The following AFF3 variants were observed in gnomAD, a reference collection of about 807,000 sequenced individuals.
AFF3 encodes ALF transcription elongation factor 3, also known as AF4/FMR2 family member 3.
In AFF3, 32 loss-of-function variants were observed where a neutral mutation model predicts 129.7. The observed-to-expected ratio is 0.25, with a 90% CI of 0.19 to 0.33. The LOEUF is 0.33. Among genes scored for constraint, AFF3 ranks in the 10% least tolerant of loss-of-function variants. The probability of loss-of-function intolerance (pLI) is 1.00; values close to 1 mark genes in which losing one functional copy is unlikely to be tolerated. For missense variants in AFF3, 1,373 were observed against 1,592.0 expected (o/e 0.86, Z 2.34); for synonymous variants, 644 against 635.4 (o/e 1.01, Z -0.20).
intron 13 of AFF3, among the ~76,000 whole-genome samples, chr2:99,616,698 G>C (rs1456863800): frequency 6.6e-6 from 1 of 152,142 alleles, no homozygotes; most frequent in Non-Finnish European, 1.5e-5. Context: ...GGAGGTTGCA[G>C]TGAGCCGAGA....
In AFF3 at chr2:100,106,509, G is replaced by T. The variant is rs188276139; in HGVS notation, c.-144-926C>A. On this transcript the variant is annotated intron_variant, in intron 2 of 24. Transcript: ENST00000672756. ...CGCCTTGTTGGAAATGTTTGCTTTG[G>T]CGAAAGTGAGATCGAGACATTGAGA... 2.5e-5 allele frequency: 25 copies of T among 1,002,216 alleles called. No individual in the cohort carries two copies. In the Admixed American group the frequency reaches 4.3e-4, roughly 17 times the overall value. The allele number at this position is 1,002,216 out of a possible 1,614,324, so 62.1% of individuals were successfully genotyped here.
Position 99,689,386 on chromosome 2 carries a change from C to T in AFF3, c.1092-16797G>A, listed in dbSNP as rs150693237. 1.2e-3 allele frequency among the ~76,000 whole-genome samples: 181 copies of T among 152,248 alleles called. 2 individuals are homozygous for T. The East Asian group carries it at 0.027, about 23-fold the overall frequency. The stretch of plus-strand genomic sequence containing the variant: ...TGAGTCTCGGCCTGGGCTGCCCTTC[C>T]TGCCTGATGCCCTTCTCCCTGTTCT... On this transcript the variant is annotated intron_variant, in intron 11 of 24. Coordinates refer to ENST00000672756, the MANE Select transcript of AFF3 (RefSeq NM_001386135.1).
Position 100,106,689 on chromosome 2 carries a change from A to ACCTCC in AFF3, c.-144-1111_-144-1107dup, listed in dbSNP as rs1009323154. ...GCTGGGAAGCTTCTTCAGAAAGGAG[A>ACCTCC]CCTCCCGGCCCTCACCGGGATCTGG... On this transcript the variant is annotated intron_variant, in intron 2 of 24. Transcript: ENST00000672756. 16 of 985,296 alleles carry ACCTCC rather than the reference A, an allele frequency of 1.6e-5. No homozygotes were observed. The Admixed American group carries it at 9.8e-4, about 61-fold the overall frequency. The allele number at this position is 985,296 out of a possible 1,614,324, so 61.0% of individuals were successfully genotyped here. A position where few individuals can be genotyped will look rare whatever the true frequency, so the allele number is the denominator to read the frequency against.
chr2:99,956,214 A>G (rs1376444132), intron 7 of AFF3, among the ~76,000 whole-genome samples: 1 of 152,010 alleles, frequency 6.6e-6, no homozygotes, highest in Admixed American at 6.6e-5. Flanking sequence ...TTACAGGGAC[A>G]TTAAATTAAG....
intron 10 of AFF3, among the ~76,000 whole-genome samples, chr2:99,729,550 G>A (rs1180363291): frequency 6.6e-6 from 1 of 152,084 alleles, no homozygotes; most frequent in African/African-American, 2.4e-5. Flanking sequence ...TTGTCCTTCA[G>A]AAAGAATAAA....
At chr2:99,901,849 C>A (rs1477945233) in intron 7 of AFF3, among the ~76,000 whole-genome samples, 1 of 48,536 alleles carries the variant, frequency 2.1e-5, no homozygotes, top group African/African-American at 1.6e-4. Flanking sequence ...GATAGCTGTG[C>A]CCCCCAGAGC....
chr2:99,707,246 G>C, intron 11 of AFF3: 1 of 985,280 alleles, frequency 1.0e-6, no homozygotes, highest in Non-Finnish European at 1.2e-6. Context: ...TCATATCTGT[G>C]ACATGTCCAA....
At chr2:99,568,179 A>C (rs1379697965) in intron 19 of AFF3, among the ~76,000 whole-genome samples, 2 of 152,202 alleles carry the variant, frequency 1.3e-5, no homozygotes, top group Admixed American at 6.5e-5. Flanking sequence ...AGTTATGAAC[A>C]CTGGAGGAGA....
chr2:99,869,464 T>C (rs1046228520), intron 7 of AFF3, among the ~76,000 whole-genome samples: 2 of 152,182 alleles, frequency 1.3e-5, no homozygotes, highest in Non-Finnish European at 2.9e-5. Flanking sequence ...CTAAGATGAT[T>C]TGATAGGCTC....
chr2:99,953,871 G>A (rs1187069059), intron 7 of AFF3, among the ~76,000 whole-genome samples: 2 of 152,182 alleles, frequency 1.3e-5, no homozygotes, highest in Admixed American at 1.3e-4. Context: ...CCTCCACATC[G>A]CCAGGCTTCT....
At chr2:99,838,042 C>T (rs903249557) in intron 7 of AFF3, among the ~76,000 whole-genome samples, 2 of 152,188 alleles carry the variant, frequency 1.3e-5, no homozygotes, top group Non-Finnish European at 2.9e-5. Flanking sequence ...AAAAGAGAAA[C>T]ATCCTCTGGA....
rs1028103615 is a variant in AFF3 at position 99,701,741 on chromosome 2, C to A, written c.1091+25336G>T. ...TAATTTTATCACACGTGTAGCTACACGTAACAGTCTACCACAATCAAAGTA... is the reference window on the plus strand; with the variant it reads ...TAATTTTATCACACGTGTAGCTACAAGTAACAGTCTACCACAATCAAAGTA... On this transcript the variant is annotated intron_variant, in intron 11 of 24. Coordinates refer to ENST00000672756, the MANE Select transcript of AFF3 (RefSeq NM_001386135.1). Among the ~76,000 whole-genome samples the A allele has an allele frequency of 2.0e-5, 3 of 152,190 alleles. No individual in the cohort carries two copies. In the East Asian group the frequency reaches 5.8e-4, roughly 29 times the overall value.
At chr2:100,136,001 G>GCT (rs1692626936) in intron 1 of AFF3, among the ~76,000 whole-genome samples, 1 of 152,218 alleles carries the variant, frequency 6.6e-6, no homozygotes, top group South Asian at 2.1e-4. Context: ...TGGCTTCAAG[G>GCT]TCCTAGGCTG....
intron 7 of AFF3, among the ~76,000 whole-genome samples, chr2:99,901,633 C>G (rs1202224713): frequency 6.6e-6 from 1 of 152,220 alleles, no homozygotes; most frequent in African/African-American, 2.4e-5. Flanking sequence ...AATGCATCCT[C>G]CAGTCTTTCT....
chr2:99,599,507 C>T (rs1679611225), intron 14 of AFF3, among the ~76,000 whole-genome samples: 1 of 152,192 alleles, frequency 6.6e-6, no homozygotes, highest in Non-Finnish European at 1.5e-5. Context: ...TCCACCTGTT[C>T]AGCCTCCCAA....
At chr2:99,937,683 C>T (rs1674651423) in intron 7 of AFF3, among the ~76,000 whole-genome samples, 1 of 152,184 alleles carries the variant, frequency 6.6e-6, no homozygotes, top group Non-Finnish European at 1.5e-5. Context: ...AGGCATAAGC[C>T]ACCGCGCCCG....
intron 4 of AFF3, among the ~76,000 whole-genome samples, chr2:100,054,552 T>C (rs1177337227): frequency 6.6e-6 from 1 of 152,156 alleles, no homozygotes; most frequent in Non-Finnish European, 1.5e-5. Context: ...AGGTCTTAAG[T>C]CTGCCAGCCT....
intron 7 of AFF3, among the ~76,000 whole-genome samples, chr2:99,932,876 G>T (rs4632399): frequency 0.1 from 15,352 of 152,046 alleles, 973 homozygotes; most frequent in Non-Finnish European, 0.13. Flanking sequence ...TAACTTTTTT[G>T]TTGTGCTACA....
Position 100,111,169 on chromosome 2 carries a change from C to T in AFF3, c.-144-5586G>A, listed in dbSNP as rs78415054. ...CTGGACTTTTAGGAACAAAATAAGACCCTATGTGGCTAAGCCACTCTAGCG... is the reference window on the plus strand; with the variant it reads ...CTGGACTTTTAGGAACAAAATAAGATCCTATGTGGCTAAGCCACTCTAGCG... On this transcript the variant is annotated intron_variant, in intron 2 of 24. Coordinates refer to ENST00000672756, the MANE Select transcript of AFF3 (RefSeq NM_001386135.1). Among the ~76,000 whole-genome samples the T allele has an allele frequency of 4.8e-3, 728 of 152,330 alleles. 9 individuals are homozygous for T. The highest frequency in any genetic ancestry group is 0.016 in the African/African-American group (676 of 41,572).
Sources: gnomAD v4.1 joint callset for allele counts (sites outside exome capture counted in the v4.1 genomes callset) on GRCh38, gnomAD v4.1.1 for gene constraint, MANE v1.5 for transcripts, NCBI Gene and HGNC (gene_info 2026-07-23, HGNC 2026-07-21) for gene names.